Variants in GPSM1 observed in about 807,000 individuals in gnomAD.
GPSM1 encodes G protein signaling modulator 1.
In GPSM1, 48 loss-of-function variants were observed where a neutral mutation model predicts 70.5. The observed-to-expected ratio is 0.68, with a 90% CI of 0.54 to 0.87. GPSM1 has a LOEUF of 0.87. Ranked by LOEUF, GPSM1 falls within the 40% of genes least tolerant of loss-of-function variation. The pLI, the probability that GPSM1 is intolerant of heterozygous loss-of-function variation, is 0.00. For synonymous variants in GPSM1, 416 were observed against 430.1 expected (o/e 0.97, Z 0.41); for missense variants, 981 against 972.6 (o/e 1.01, Z -0.11).
intron 11 of GPSM1, chr9:136,355,022 G>A (rs535928396): frequency 9.4e-5 from 101 of 1,078,124 alleles, no homozygotes; most frequent in Middle Eastern, 8.7e-4. Flanking sequence ...GGGTGCCGAG[G>A]GTGAGTGACA....
chr9:136,344,188 G>A lies in GPSM1; in HGVS notation c.1207+3195G>A, dbSNP rs1228983259. ...ATCGGGGGGAGGCGCGGACAGGAGC[G>A]GGGGGAGGCGCGGACAGGAGCGGGG... On this transcript the variant is annotated intron_variant, in intron 9 of 13. Transcript: ENST00000440944. 4.2e-5 allele frequency among the ~76,000 whole-genome samples: 6 copies of A among 144,304 alleles called. 1 individual carries two copies. Among genetic ancestry groups the A allele is most frequent in the South Asian group, 4.5e-4 (2 of 4,436 alleles). The allele number at this position is 144,304 out of a possible 152,430, so 94.7% of individuals were successfully genotyped here.
intron 13 of GPSM1, among the ~76,000 whole-genome samples, chr9:136,357,069 C>T (rs1832851391): frequency 6.6e-6 from 1 of 152,190 alleles, no homozygotes; most frequent in African/African-American, 2.4e-5. Context: ...GGCCGGGGCT[C>T]CAGCCTGGCA....
Position 136,343,374 on chromosome 9 carries a change from C to T in GPSM1, c.1207+2381C>T, listed in dbSNP as rs1564349043. Among the ~76,000 whole-genome samples the T allele has an allele frequency of 2.6e-5, 4 of 152,316 alleles. No homozygotes were observed. Among genetic ancestry groups the T allele is most frequent in the Non-Finnish European group, 4.4e-5 (3 of 68,024 alleles). ...GAGCCGGCCCTGAGCCCTGCAGGAC[C>T]GCCCCCTGCCCTTGGCCTGTCCCCG... On this transcript the variant is annotated intron_variant, in intron 9 of 13. Transcript: ENST00000440944. The surrounding 1 kb of genome is among the most constrained non-coding windows in gnomAD (Gnocchi z 6.0).
At chr9:136,348,603 G>T in intron 9 of GPSM1, 94 bp from the exon 10 acceptor site, 1 of 882,292 alleles carries the variant, frequency 1.1e-6, no homozygotes, top group Non-Finnish European at 1.7e-6. Flanking sequence ...AGCCATGGCC[G>T]GGCTGGTCCT....
chr9:136,351,720 A>C lies in GPSM1; in HGVS notation c.1455+1957A>C, dbSNP rs547041376. On this transcript the variant is annotated intron_variant, in intron 11 of 13. Coordinates refer to ENST00000440944, the MANE Select transcript of GPSM1 (RefSeq NM_001145638.3). ...CGGGCCCTGCTCCCCTGGCCCCTGC[A>C]ACCACCGCGGGGCAGGACGCCTGGG... 2.0e-5 allele frequency among the ~76,000 whole-genome samples: 3 copies of C among 152,256 alleles called. 1 individual carries two copies. The South Asian group carries it at 6.2e-4, about 32-fold the overall frequency.
Position 136,327,703 on chromosome 9 carries a change from G to C in GPSM1, c.8G>C (p.Gly3Ala). 1 of 1,148,620 alleles carries C rather than the reference G, an allele frequency of 8.7e-7. No individual in the cohort carries two copies. Among genetic ancestry groups the C allele is most frequent in the Non-Finnish European group, 1.1e-6 (1 of 935,766 alleles). The allele number at this position is 1,148,620 out of a possible 1,614,324, so 71.2% of individuals were successfully genotyped here. The part of the protein sequence containing the change: MA[G>A]PAPPAADELP... Reference sequence around the variant, plus strand: ...CTCCCGCGTCCCCGACCCATGGCGGGCCCGGCCCCGCCCGCGGCCGACGAG... The same window carrying C: ...CTCCCGCGTCCCCGACCCATGGCGGCCCCGGCCCCGCCCGCGGCCGACGAG... Residue 3 changes from glycine to alanine, a missense_variant, in exon 1 of 14, where the codon GGC (glycine) becomes GCC (alanine). By Grantham distance (60) the Gly-to-Ala change is moderately conservative. Transcript: ENST00000440944.
intron 9 of GPSM1, among the ~76,000 whole-genome samples, chr9:136,346,556 GGC>G (rs1554771285): frequency 1.3e-5 from 2 of 152,194 alleles, no homozygotes; most frequent in East Asian, 3.9e-4. Flanking sequence ...TTCACTAGGT[GGC>G]AGCAGGACCC....
At chr9:136,331,633 G>A (rs546743787) in intron 1 of GPSM1, among the ~76,000 whole-genome samples, 25 of 152,326 alleles carry the variant, frequency 1.6e-4, no homozygotes, top group Non-Finnish European at 2.9e-4. Context: ...AGTGAGCCCG[G>A]TCCTGGGGCA....
intron 11 of GPSM1, among the ~76,000 whole-genome samples, chr9:136,350,103 C>T (rs1832623889): frequency 1.3e-5 from 2 of 152,228 alleles, no homozygotes; most frequent in South Asian, 4.1e-4. Flanking sequence ...CTCTTCCCAG[C>T]CTTCAGGTGG....
chr9:136,336,666 G>A (rs1404325814), intron 3 of GPSM1, among the ~76,000 whole-genome samples: 2 of 152,200 alleles, frequency 1.3e-5, no homozygotes, highest in African/African-American at 4.8e-5. Flanking sequence ...GGTCATCAGA[G>A]GACAGAGCTG....
chr9:136,327,757 A>G lies in GPSM1; in HGVS notation c.62A>G (p.Tyr21Cys). The change falls in exon 1 of 14, where the codon TAC (tyrosine) becomes TGC (cysteine). Residue 21 changes from tyrosine (Y) to cysteine (C), a missense_variant. Tyr to Cys is a radical substitution (Grantham distance 194). Coordinates refer to ENST00000440944, the MANE Select transcript of GPSM1 (RefSeq NM_001145638.3). ...CCGGGCCCGGCCGCCAGGCGCCTCT[A>G]CTCCAGGTAGGACGGGCCGGGGCCG... ...ELPGPAARRL[Y>C]SRMEASCLEL... 4.3e-6 allele frequency: 5 copies of G among 1,175,200 alleles called. No individual in the cohort carries two copies. Among genetic ancestry groups the G allele is most frequent in the East Asian group, 3.8e-5 (1 of 26,642 alleles). The allele number at this position is 1,175,200 out of a possible 1,614,324, so 72.8% of individuals were successfully genotyped here.
chr9:136,339,712 G>T lies in GPSM1; in HGVS notation c.980G>T (p.Gly327Val). 1 of 1,548,972 alleles carries T rather than the reference G, an allele frequency of 6.5e-7. No homozygotes were observed. Among genetic ancestry groups the T allele is most frequent in the South Asian group, 1.2e-5 (1 of 84,024 alleles). ...LIAQELADRV[G>V]EGRACWSLGN... Reference sequence around the variant, plus strand: ...CTGGTCTCCCTCTCTGGCAGAGTGGGCGAGGGCCGGGCGTGCTGGAGCCTG... The same window carrying T: ...CTGGTCTCCCTCTCTGGCAGAGTGGTCGAGGGCCGGGCGTGCTGGAGCCTG... The change falls in exon 8 of 14, where the codon GGC becomes GTC. Residue 327 changes from glycine (G) to valine (V), a missense_variant. By Grantham distance (109) the Gly-to-Val change is moderately radical. Coordinates refer to ENST00000440944, the MANE Select transcript of GPSM1 (RefSeq NM_001145638.3).
Position 136,358,461 on chromosome 9 carries a change from C to T in GPSM1, c.*241C>T. 6 of 557,274 alleles carry T rather than the reference C, an allele frequency of 1.1e-5. No individual in the cohort carries two copies. Among genetic ancestry groups the T allele is most frequent in the South Asian group, 2.3e-5 (1 of 43,914 alleles). 34.5% of individuals were successfully genotyped at this position (557,274 alleles called of 1,614,324 possible). A position where few individuals can be genotyped will look rare whatever the true frequency, so the allele number is the denominator to read the frequency against. ...CCTTCTGCCCCTGCCGCAGGCCGGA[C>T]GGGGCCTTCGGCATGTCGGCCCCGA... On this transcript the variant is annotated 3_prime_UTR_variant, in exon 14 of 14. Coordinates refer to ENST00000440944, the MANE Select transcript of GPSM1 (RefSeq NM_001145638.3).
intron 11 of GPSM1, among the ~76,000 whole-genome samples, chr9:136,351,929 G>A (rs1421616430): frequency 2.6e-5 from 4 of 151,406 alleles, no homozygotes; most frequent in Admixed American, 1.3e-4. Context: ...GCGAGGGTGG[G>A]TGGGGGATAC....
intron 2 of GPSM1, among the ~76,000 whole-genome samples, chr9:136,335,480 A>G (rs1368011703): frequency 2.0e-5 from 3 of 152,120 alleles, no homozygotes; most frequent in African/African-American, 7.2e-5. Flanking sequence ...TCAGCAGGGC[A>G]GAGCTTCTTG....
At chr9:136,331,853 C>T in intron 1 of GPSM1, 1 of 395,920 alleles carries the variant, frequency 2.5e-6, no homozygotes, top group Non-Finnish European at 4.4e-6. Flanking sequence ...GGCCCCCGAG[C>T]ACCTGCTGGA....
rs143778266 is a variant in GPSM1, at chr9:136,355,800, C to T, written c.1566C>T (p.Ala522=). ...DQRCPLDDGQ[A]GAAEATAAPT... is the part of the protein sequence containing the mutation. ...GTTGTCCCCTGGACGATGGCCAGGCCGGGGCTGCCGAGGCCACGGCCGCCC... is the reference window on the plus strand; with the variant it reads ...GTTGTCCCCTGGACGATGGCCAGGCTGGGGCTGCCGAGGCCACGGCCGCCC... The change falls in exon 12 of 14, where the codon GCC becomes GCT. Residue 522 remains alanine (A), a synonymous_variant. Coordinates refer to ENST00000440944, the MANE Select transcript of GPSM1 (RefSeq NM_001145638.3). The T allele has an allele frequency of 1.7e-5, 28 of 1,611,536 alleles. No individual in the cohort carries two copies. Among genetic ancestry groups the T allele is most frequent in the African/African-American group, 4.0e-5 (3 of 74,872 alleles).
At position 136,340,742 on chromosome 9, in the gene GPSM1, G is replaced by A. The variant is rs1832367515; in HGVS notation, c.1084-128G>A. Reference sequence around the variant, plus strand: ...GTCCTGGTTCCCTCAGAGGCCCAGGGGTCAGTGACCAGTTCAGGTCACTCA... The same window carrying A: ...GTCCTGGTTCCCTCAGAGGCCCAGGAGTCAGTGACCAGTTCAGGTCACTCA... On this transcript the variant is annotated intron_variant, in intron 8 of 13. Coordinates refer to ENST00000440944, the MANE Select transcript of GPSM1 (RefSeq NM_001145638.3). The surrounding 1 kb of genome is among the most constrained non-coding windows in gnomAD (Gnocchi z 7.3). 5 of 1,300,590 alleles carry A rather than the reference G, an allele frequency of 3.8e-6. No individual in the cohort carries two copies. Among genetic ancestry groups the A allele is most frequent in the Non-Finnish European group, 5.1e-6 (5 of 976,334 alleles). The allele number at this position is 1,300,590 out of a possible 1,614,324, so 80.6% of individuals were successfully genotyped here.
At chr9:136,353,017 G>A (rs1832713734) in intron 11 of GPSM1, 1 of 858,888 alleles carries the variant, frequency 1.2e-6, no homozygotes, top group Non-Finnish European at 1.4e-6. Flanking sequence ...TTAAGCCTCA[G>A]GCATCCCAGC....
Sources: allele counts gnomAD v4.1 joint callset (sites outside exome capture counted in the v4.1 genomes callset), GRCh38; gene constraint gnomAD v4.1.1; non-coding constraint Gnocchi (gnomAD v3.1); transcripts MANE v1.5; gene names NCBI Gene and HGNC (gene_info 2026-07-23, HGNC 2026-07-21).